Variants in ZSWIM7 observed in about 807,000 individuals in gnomAD.
ZSWIM7 encodes the protein zinc finger SWIM domain-containing protein 7.
ZSWIM7 carries 22 observed loss-of-function variants against 21.1 expected under a neutral mutation model. The ratio of observed to expected loss-of-function variants is 1.04; its 90% CI spans 0.74 to 1.49. The LOEUF (loss-of-function observed/expected upper bound fraction) is 1.49, where lower values mean the gene tolerates loss of function less well. ZSWIM7 is among the 40% of genes most tolerant of loss of function. ZSWIM7 has a pLI of 0.00. For missense variants in ZSWIM7, 193 were observed against 168.0 expected, an observed-to-expected ratio of 1.15 and a Z score of -0.82; for synonymous variants, 67 against 66.5, an observed-to-expected ratio of 1.01 and a Z score of -0.04.
chr17:15,996,372 G>A (rs1324672933), intron 1 of ZSWIM7, among the ~76,000 whole-genome samples: 1 of 152,104 alleles, frequency 6.6e-6, no homozygotes, highest in East Asian at 1.9e-4. Context: ...AGGGGCCGGT[G>A]TGGGGGCTCA....
intron 4 of ZSWIM7, among the ~76,000 whole-genome samples, chr17:15,980,763 C>T (rs1343624162): frequency 1.3e-5 from 2 of 152,104 alleles, no homozygotes; most frequent in Non-Finnish European, 2.9e-5. Flanking sequence ...CATCTAATTC[C>T]CCAGTGCCCA....
intron 2 of ZSWIM7, 99 bp from the exon 3 acceptor site, chr17:15,987,467 C>A: frequency 9.4e-7 from 1 of 1,065,642 alleles, no homozygotes; most frequent in South Asian, 1.5e-5. Context: ...TTTAAAAATT[C>A]ATTTTAATTT....
chr17:15,993,601 C>T lies in ZSWIM7; in HGVS notation c.98+156G>A, dbSNP rs540051249. On this transcript the variant is annotated intron_variant, in intron 2 of 4. Coordinates refer to ENST00000399277, the MANE Select transcript of ZSWIM7 (RefSeq NM_001042697.2). ...CAGGATGGTCTTGATCTCCTGACTT[C>T]ATGATCCACTCACCTTGGCCTCCCA... Among the ~76,000 whole-genome samples, 44 of 151,524 alleles carry T rather than the reference C, an allele frequency of 2.9e-4. 1 individual carries two copies. In the South Asian group the frequency reaches 8.8e-3, roughly 30 times the overall value.
chr17:15,999,602 C>T lies in ZSWIM7; in HGVS notation c.-8G>A. On this transcript the variant is annotated 5_prime_UTR_variant, in exon 1 of 5. Coordinates refer to ENST00000399277, the MANE Select transcript of ZSWIM7 (RefSeq NM_001042697.2). ...CGGCAACACTACGGCCATCGCGCCG[C>T]AGGACACGCCCTCCACGACCGGCGG... 1.9e-6 allele frequency: 3 copies of T among 1,571,000 alleles called. No homozygotes were observed. Among genetic ancestry groups the T allele is most frequent in the Non-Finnish European group, 2.6e-6 (3 of 1,159,622 alleles).
intron 2 of ZSWIM7, among the ~76,000 whole-genome samples, chr17:15,988,072 T>C (rs1970437444): frequency 6.6e-6 from 1 of 152,186 alleles, no homozygotes; most frequent in Non-Finnish European, 1.5e-5. Context: ...AAATATTATA[T>C]ATAGAACATA....
At chr17:15,981,565 C>T (rs1335191059) in intron 3 of ZSWIM7, among the ~76,000 whole-genome samples, 2 of 151,974 alleles carry the variant, frequency 1.3e-5, no homozygotes, top group Non-Finnish European at 2.9e-5. Context: ...TCCTACATAC[C>T]TAAAGAGAGA....
intron 4 of ZSWIM7, among the ~76,000 whole-genome samples, chr17:15,979,956 G>A (rs1350166839): frequency 7.5e-6 from 1 of 133,398 alleles, no homozygotes; most frequent in African/African-American, 3.0e-5. Context: ...CGGGCAGAGG[G>A]GCTCCTCACT....
At chr17:15,993,357 TTTA>T (rs905323353) in intron 2 of ZSWIM7, among the ~76,000 whole-genome samples, 14 of 44,414 alleles carry the variant, frequency 3.2e-4, no homozygotes, top group African/African-American at 8.0e-4. Context: ...ATTTTATTTA[TTTA>T]TTTATTTATT....
At position 15,977,835 on chromosome 17, in the gene ZSWIM7, G is replaced by A. The variant is rs1970297877; in HGVS notation, c.*212C>T. ...CAGAGACTGGCTCAGGGTATTTCTT[G>A]ACAAGACTGTACAGGGCTTCTCATC... On this transcript the variant is annotated 3_prime_UTR_variant, in exon 5 of 5. Coordinates refer to ENST00000399277, the MANE Select transcript of ZSWIM7 (RefSeq NM_001042697.2). 1.1e-5 allele frequency: 5 copies of A among 457,308 alleles called. No individual in the cohort carries two copies. In the Admixed American group the frequency reaches 1.7e-4, roughly 15 times the overall value. 28.3% of individuals were successfully genotyped at this position (457,308 alleles called of 1,614,324 possible).
intron 3 of ZSWIM7, among the ~76,000 whole-genome samples, chr17:15,982,907 CCTCCCAAAGCA>C (rs1970371742): frequency 6.6e-6 from 1 of 152,112 alleles, no homozygotes; most frequent in East Asian, 1.9e-4. Flanking sequence ...CCCACCTTGG[CCTCCCAAAGCA>C]CTGGGATTAC....
intron 1 of ZSWIM7, among the ~76,000 whole-genome samples, chr17:15,999,016 A>G (rs1212085400): frequency 1.3e-5 from 2 of 152,170 alleles, no homozygotes; most frequent in Non-Finnish European, 2.9e-5. Flanking sequence ...TCGGCCTCCC[A>G]AAGTGCTGGG....
chr17:15,987,116 A>T lies in ZSWIM7; in HGVS notation c.201+150T>A, dbSNP rs892149039. ...TAAAAGTAAATAAAAATTTTAAAAA[A>T]TTATCAATTCGTTAATTTTACCAAG... On this transcript the variant is annotated intron_variant, in intron 3 of 4. Transcript: ENST00000399277. The T allele has an allele frequency of 2.9e-5, 16 of 554,004 alleles. No individual in the cohort carries two copies. The African/African-American group carries it at 3.1e-4, about 11-fold the overall frequency. 34.3% of individuals were successfully genotyped at this position (554,004 alleles called of 1,614,324 possible).
intron 2 of ZSWIM7, among the ~76,000 whole-genome samples, chr17:15,990,347 T>G (rs1018550516): frequency 1.3e-5 from 2 of 152,058 alleles, no homozygotes; most frequent in Admixed American, 1.3e-4. Flanking sequence ...GTTATTATTA[T>G]TATTATTATT....
At chr17:15,987,621 A>T (rs1386976635) in intron 2 of ZSWIM7, among the ~76,000 whole-genome samples, 5 of 151,436 alleles carry the variant, frequency 3.3e-5, no homozygotes, top group East Asian at 1.9e-4. Context: ...TATTATTATT[A>T]TTTTTTGAGA....
rs145019950 is a variant in ZSWIM7 at position 15,978,368 on chromosome 17, C to T, written c.307-205G>A. On this transcript the variant is annotated intron_variant, in intron 4 of 4. Coordinates refer to ENST00000399277, the MANE Select transcript of ZSWIM7 (RefSeq NM_001042697.2). ...ATCCCAGCACTTTGGGAGGCTGAGG[C>T]GGATGGATCACTTGAGATCAGGAGT... Among the ~76,000 whole-genome samples, 15 of 152,198 alleles carry T rather than the reference C, an allele frequency of 9.9e-5. No individual in the cohort carries two copies. The East Asian group carries it at 2.7e-3, about 27-fold the overall frequency.
At chr17:15,981,260 A>T (rs1003930433) in intron 3 of ZSWIM7, 116 bp from the exon 4 acceptor site, 2 of 661,182 alleles carry the variant, frequency 3.0e-6, no homozygotes, top group Non-Finnish European at 5.2e-6. Flanking sequence ...GAAGAACTGC[A>T]GTAATGTTTT....
At chr17:15,985,045 C>T (rs1970393414) in intron 3 of ZSWIM7, among the ~76,000 whole-genome samples, 3 of 152,240 alleles carry the variant, frequency 2.0e-5, no homozygotes, top group Admixed American at 2.0e-4. Flanking sequence ...AGGCTCACGC[C>T]TGTAATCCCA....
intron 2 of ZSWIM7, among the ~76,000 whole-genome samples, chr17:15,993,529 G>A (rs946460043): frequency 6.6e-6 from 1 of 151,738 alleles, no homozygotes; most frequent in Non-Finnish European, 1.5e-5. Context: ...ACCACGTCCA[G>A]CTAATTTTTT....
rs927338016 is a variant in ZSWIM7 at position 15,977,645 on chromosome 17, A to C, written c.*402T>G. 1 of 153,226 alleles carries C rather than the reference A, an allele frequency of 6.5e-6. No individual in the cohort carries two copies. Among genetic ancestry groups the C allele is most frequent in the Non-Finnish European group, 1.5e-5 (1 of 68,846 alleles). The allele number at this position is 153,226 out of a possible 1,614,324, so 9.5% of individuals were successfully genotyped here. A position where few individuals can be genotyped will look rare whatever the true frequency, so the allele number is the denominator to read the frequency against. On this transcript the variant is annotated 3_prime_UTR_variant, in exon 5 of 5. Transcript: ENST00000399277. ...CGTGAACCCGGGAGGCGGAGCTTGC[A>C]GTGAGCTGAGATCACGCCACTGCAC... is the stretch of plus-strand genomic sequence containing the variant.
Sources: allele counts gnomAD v4.1 joint callset (sites outside exome capture counted in the v4.1 genomes callset), GRCh38; gene constraint gnomAD v4.1.1; transcripts MANE v1.5; gene names NCBI Gene and HGNC (gene_info 2026-07-23, HGNC 2026-07-21).